The following TLR6 variants were observed in gnomAD, a reference collection of about 807,000 sequenced individuals.
TLR6 encodes the protein toll-like receptor 6.
TLR6 carries 9 observed loss-of-function variants against 16.1 expected under a neutral mutation model. That is an observed-to-expected ratio of 0.56 (90% confidence interval 0.34 to 0.98). The LOEUF (loss-of-function observed/expected upper bound fraction) is 0.98, where lower values mean the gene tolerates loss of function less well. Among genes scored for constraint, TLR6 ranks in the 50% least tolerant of loss-of-function variants. The pLI is 0.02. For missense variants in TLR6, 786 were observed against 921.0 expected (o/e 0.85, Z 1.90); for synonymous variants, 340 against 338.6 (o/e 1.00, Z -0.04).
At chr4:38,854,361 T>C (rs1712884158) in intron 1 of TLR6, among the ~76,000 whole-genome samples, 1 of 152,192 alleles carries the variant, frequency 6.6e-6, no homozygotes, top group Non-Finnish European at 1.5e-5. Context: ...TTTTATAATG[T>C]TATTTGGCTA....
At chr4:38,841,399 C>G (rs6817893) in intron 1 of TLR6, among the ~76,000 whole-genome samples, 6 of 151,998 alleles carry the variant, frequency 3.9e-5, no homozygotes, top group African/African-American at 1.5e-4. Flanking sequence ...GAGACCAACC[C>G]GGGCAACACA....
intron 1 of TLR6, among the ~76,000 whole-genome samples, chr4:38,839,301 ATT>A (rs753999214): frequency 0.13 from 19,713 of 151,232 alleles, 2,430 homozygotes; most frequent in African/African-American, 0.3. Flanking sequence ...AAGTCTATTG[ATT>A]TTTTTTTAAA....
intron 1 of TLR6, among the ~76,000 whole-genome samples, chr4:38,840,413 C>A (rs1712195942): frequency 6.6e-6 from 1 of 151,904 alleles, no homozygotes; most frequent in Non-Finnish European, 1.5e-5. Context: ...GCCCATGGAT[C>A]ACGAGGTCAG....
chr4:38,850,978 T>C (rs145955558), intron 1 of TLR6, among the ~76,000 whole-genome samples: 32,220 of 151,738 alleles, frequency 0.21, 4,056 homozygotes, highest in Non-Finnish European at 0.28. Context: ...ACAAAAATCC[T>C]CAATAAAATA....
chr4:38,837,753 C>T (rs1322380654), intron 1 of TLR6, among the ~76,000 whole-genome samples: 2 of 152,022 alleles, frequency 1.3e-5, no homozygotes, highest in African/African-American at 4.8e-5. Context: ...AATGGGACTA[C>T]ATTAAACTAA....
intron 1 of TLR6, among the ~76,000 whole-genome samples, chr4:38,832,449 T>A (rs1711656880): frequency 6.6e-6 from 1 of 152,202 alleles, no homozygotes; most frequent in African/African-American, 2.4e-5. Flanking sequence ...GTTTCCACTA[T>A]GGACTCCTGT....
chr4:38,847,498 C>T lies in TLR6; in HGVS notation c.-65+9263G>A, dbSNP rs375058067. 6.1e-4 allele frequency among the ~76,000 whole-genome samples: 57 copies of T among 92,920 alleles called. No homozygotes were observed. In the East Asian group the frequency reaches 0.015, roughly 24 times the overall value. The allele number at this position is 92,920 out of a possible 152,430, so 61.0% of individuals were successfully genotyped here. ...AAGCACGGTGAGGCATTGCCTCACC[C>T]GGGAAGCACAAGGGGTCAGGAATTC... is the stretch of plus-strand genomic sequence containing the variant. On this transcript the variant is annotated intron_variant, in intron 1 of 1. Transcript: ENST00000436693.
exon 2 of TLR6, chr4:38,824,566 G>C (rs527552150): frequency 6.6e-6 from 1 of 152,040 alleles, no homozygotes; most frequent in Non-Finnish European, 1.5e-5. Context: ...TTTTTTTGTC[G>C]TTGTTGTTAC....
intron 1 of TLR6, among the ~76,000 whole-genome samples, chr4:38,833,795 A>G (rs1445339326): frequency 6.6e-6 from 1 of 152,202 alleles, no homozygotes; most frequent in Non-Finnish European, 1.5e-5. Context: ...TAAATAATAA[A>G]AGAAATCAGA....
At chr4:38,866,270 TCA>T in the TLR6 span, among the ~76,000 whole-genome samples, 1 of 151,476 alleles carries the variant, frequency 6.6e-6, no homozygotes, top group East Asian at 1.9e-4. Context: ...GGTGGGTGGA[TCA>T]CCTGAGGTCA....
At chr4:38,847,465 G>A (rs1235858841) in intron 1 of TLR6, among the ~76,000 whole-genome samples, 3 of 152,090 alleles carry the variant, frequency 2.0e-5, no homozygotes, top group Non-Finnish European at 4.4e-5. Flanking sequence ...CTCAATGAGT[G>A]TGAGCCGAAG....
At chr4:38,827,319 C>A in exon 2 of TLR6, 3 of 1,614,026 alleles carry the variant, frequency 1.9e-6, no homozygotes, top group South Asian at 1.1e-5. Context: ...TTGTGATGGG[C>A]AAAATAGAGT....
exon 2 of TLR6, chr4:38,825,504 G>A (rs1447153854): frequency 6.6e-6 from 1 of 152,230 alleles, no homozygotes; most frequent in East Asian, 1.9e-4. Flanking sequence ...AAGGCAGACA[G>A]GCCAGCATGA....
upstream of TLR6, among the ~76,000 whole-genome samples, chr4:38,860,927 C>T (rs1713179016): frequency 6.6e-6 from 1 of 152,152 alleles, no homozygotes; most frequent in African/African-American, 2.4e-5. Flanking sequence ...AGGGGCCGGG[C>T]ATACGTTTTA....
chr4:38,832,911 C>A (rs1405276126), intron 1 of TLR6, among the ~76,000 whole-genome samples: 1 of 152,204 alleles, frequency 6.6e-6, no homozygotes, highest in Admixed American at 6.5e-5. Context: ...ACAGCAACCC[C>A]ATCTTCCCTA....
rs562105206 is a variant in TLR6, at chr4:38,845,871, T to C, written c.-65+10890A>G. Among the ~76,000 whole-genome samples, 5 of 152,082 alleles carry C rather than the reference T, an allele frequency of 3.3e-5. No homozygotes were observed. The East Asian group carries it at 9.7e-4, about 29-fold the overall frequency. ...CTTTGGGAGGCCGAGGTGGATGGAT[T>C]GCCTCAGGTCAGAAGTTCGAGACCA... On this transcript the variant is annotated intron_variant, in intron 1 of 1. Transcript: ENST00000436693.
At chr4:38,840,461 G>A (rs546893726) in intron 1 of TLR6, among the ~76,000 whole-genome samples, 70 of 151,808 alleles carry the variant, frequency 4.6e-4, no homozygotes, top group South Asian at 4.4e-3. Flanking sequence ...GTGAAACCCC[G>A]TCTCTACTAA....
chr4:38,865,710 G>T, the TLR6 span, among the ~76,000 whole-genome samples: 14 of 152,318 alleles, frequency 9.2e-5, no homozygotes, highest in Admixed American at 5.9e-4. Flanking sequence ...TTTAGAGGTG[G>T]AAAAACTGAG....
At chr4:38,854,775 A>G (rs752295933) in intron 1 of TLR6, among the ~76,000 whole-genome samples, 69 of 152,332 alleles carry the variant, frequency 4.5e-4, no homozygotes, top group South Asian at 1.0e-3. Context: ...AGATATGACT[A>G]TAAGGATACT....
Sources: allele counts gnomAD v4.1 joint callset (sites outside exome capture counted in the v4.1 genomes callset), GRCh38; gene constraint gnomAD v4.1.1; transcripts MANE v1.5; gene names NCBI Gene and HGNC (gene_info 2026-07-23, HGNC 2026-07-21).